TMPRSS15: variants seen among roughly 807,000 people sequenced by gnomAD.
The protein encoded by TMPRSS15 is transmembrane serine protease 15.
A neutral mutation model predicts 125.3 loss-of-function variants in TMPRSS15; 128 were observed. The observed-to-expected ratio is 1.02, with a 90% CI of 0.89 to 1.18. The LOEUF is 1.18. Ranked by LOEUF, TMPRSS15 falls within the 50% of genes most tolerant of loss-of-function variation. TMPRSS15 has a pLI of 0.00. For missense variants in TMPRSS15, 1,283 were observed against 1,212.7 expected, an observed-to-expected ratio of 1.06 and a Z score of -0.86; for synonymous variants, 446 against 423.2, an observed-to-expected ratio of 1.05 and a Z score of -0.66.
intron 1 of TMPRSS15, among the ~76,000 whole-genome samples, chr21:18,424,915 A>T (rs992307272): frequency 3.0e-4 from 45 of 148,760 alleles, no homozygotes; most frequent in Non-Finnish European, 5.6e-4. Context: ...CATATATATT[A>T]TATTATATAT....
chr21:18,425,780 T>G (rs528519349), intron 1 of TMPRSS15, among the ~76,000 whole-genome samples: 2 of 152,200 alleles, frequency 1.3e-5, no homozygotes, highest in Non-Finnish European at 2.9e-5. Context: ...CCCAAATATA[T>G]CTCTACACAT....
rs144571575 is a variant in TMPRSS15 at position 18,316,710 on chromosome 21, C to A, written c.1922-1454G>T. ...GAGTTTGGGTTGTGCAAAAAGAGGC[C>A]TAGTGGAAACATTCCTTATTTAGAA... On this transcript the variant is annotated intron_variant, in intron 16 of 24. Transcript: ENST00000284885. 8.1e-3 allele frequency among the ~76,000 whole-genome samples: 1,229 copies of A among 152,228 alleles called. 7 individuals are homozygous for A. The highest frequency in any genetic ancestry group is 0.027 in the South Asian group (129 of 4,818).
At chr21:18,315,008 A>G in intron 17 of TMPRSS15, 138 bp downstream of exon 17, 1 of 732,266 alleles carries the variant, frequency 1.4e-6, no homozygotes, top group South Asian at 1.5e-5. Context: ...TGCTAAAATC[A>G]TCTCAGAGAT....
intron 1 of TMPRSS15, among the ~76,000 whole-genome samples, chr21:18,474,598 G>C (rs754685155): frequency 6.6e-6 from 1 of 151,990 alleles, no homozygotes; most frequent in Non-Finnish European, 1.5e-5. Context: ...CCTAAATTTT[G>C]CCATGTTTAT....
At chr21:18,303,566 T>C (rs1278892043) in intron 18 of TMPRSS15, among the ~76,000 whole-genome samples, 1 of 152,220 alleles carries the variant, frequency 6.6e-6, no homozygotes, top group Non-Finnish European at 1.5e-5. Flanking sequence ...TTCATAGGGC[T>C]GAGGTTTTCT....
At chr21:18,361,309 T>C (rs3787593) in intron 7 of TMPRSS15, among the ~76,000 whole-genome samples, 65,631 of 151,862 alleles carry the variant, frequency 0.43, 14,629 homozygotes, top group East Asian at 0.77. Context: ...TCTGAACTCC[T>C]TGGAAGGGAG....
Position 18,411,686 on chromosome 21 carries a change from T to C in TMPRSS15, c.11-13357A>G, listed in dbSNP as rs543375998. ...CTTTCCCTTTGCTAATGCAAATTCT[T>C]GCTTCCTCGCCCTTCATCCTTTGTT... On this transcript the variant is annotated intron_variant, in intron 1 of 7. Transcript: ENST00000422787. Among the ~76,000 whole-genome samples the C allele has an allele frequency of 1.7e-4, 26 of 152,318 alleles. No individual in the cohort carries two copies. The East Asian group carries it at 2.3e-3, about 14-fold the overall frequency.
chr21:18,341,550 T>C lies in TMPRSS15; in HGVS notation c.1429-2A>G. The C allele has an allele frequency of 6.2e-7, 1 of 1,614,018 alleles. No individual in the cohort carries two copies. On this transcript the variant is annotated splice_acceptor_variant, in intron 12 of 24. Coordinates refer to ENST00000284885, the MANE Select transcript of TMPRSS15 (RefSeq NM_002772.3). LOFTEE classifies it high-confidence loss of function. ...GTTTTTAAAAGCATTAAAAGCAACC[T>C]GCAATTCAGAGAGGCATATGAAACG...
chr21:18,401,828 C>G (rs1222977672), intron 1 of TMPRSS15, among the ~76,000 whole-genome samples: 1 of 152,184 alleles, frequency 6.6e-6, no homozygotes, highest in Non-Finnish European at 1.5e-5. Context: ...TAGCTGTTCA[C>G]TGTTAAACAG....
At chr21:18,364,874 A>G (rs1223649416) in intron 7 of TMPRSS15, among the ~76,000 whole-genome samples, 1 of 152,230 alleles carries the variant, frequency 6.6e-6, no homozygotes, top group Non-Finnish European at 1.5e-5. Flanking sequence ...CCGCACATGA[A>G]TAATGTCCAC....
Position 18,384,672 on chromosome 21 carries a change from A to G in TMPRSS15, c.345-894T>C, listed in dbSNP as rs565449494. Among the ~76,000 whole-genome samples the G allele has an allele frequency of 1.6e-4, 24 of 152,198 alleles. 2 individuals are homozygous for G. Among genetic ancestry groups the G allele is most frequent in the Middle Eastern group, 3.4e-3 (1 of 294 alleles). On this transcript the variant is annotated intron_variant, in intron 3 of 24. Coordinates refer to ENST00000284885, the MANE Select transcript of TMPRSS15 (RefSeq NM_002772.3). ...TTGGGAGACAAACTATAGCTCTGAT[A>G]TTTATTCTATACCCCTCAATAAACT...
intron 7 of TMPRSS15, among the ~76,000 whole-genome samples, chr21:18,361,519 A>G (rs1034395216): frequency 2.0e-5 from 3 of 152,154 alleles, no homozygotes; most frequent in Non-Finnish European, 2.9e-5. Flanking sequence ...ATACTGAGTG[A>G]ACAAGGCCTA....
chr21:18,290,175 A>T (rs1359900211), intron 21 of TMPRSS15, among the ~76,000 whole-genome samples: 1 of 152,212 alleles, frequency 6.6e-6, no homozygotes. Flanking sequence ...AGACAAGGTT[A>T]GGATTTATCC....
At position 18,332,103 on chromosome 21, in the gene TMPRSS15, G is replaced by A. The variant is rs558352557; in HGVS notation, c.1635C>T (p.Ser545=). The A allele has an allele frequency of 1.2e-5, 19 of 1,614,030 alleles. No individual in the cohort carries two copies. The South Asian group carries it at 2.0e-4, about 17-fold the overall frequency. The change falls in exon 14 of 25, where the codon AGC becomes AGT. Residue 545 remains serine (S), a synonymous_variant. Transcript: ENST00000284885. ...TTFSSTNFPN[S]YPNLAFCVWI... ...ACTCACAGAAAGCCAGATTAGGGTAGCTGTTTGGAAAGTTCGTAGAACTGA... is the reference window on the plus strand; with the variant it reads ...ACTCACAGAAAGCCAGATTAGGGTAACTGTTTGGAAAGTTCGTAGAACTGA...
chr21:18,349,607 C>T (rs2075543524), intron 10 of TMPRSS15, among the ~76,000 whole-genome samples: 1 of 152,086 alleles, frequency 6.6e-6, no homozygotes, highest in Admixed American at 6.6e-5. Context: ...CATAAAAAAG[C>T]AGGCTAGAAG....
chr21:18,441,779 C>T (rs1464478910), intron 1 of TMPRSS15, among the ~76,000 whole-genome samples: 1 of 151,290 alleles, frequency 6.6e-6, no homozygotes, highest in East Asian at 1.9e-4. Context: ...CAACCTCTGG[C>T]TCCCAGGTTC....
intron 16 of TMPRSS15, among the ~76,000 whole-genome samples, chr21:18,321,719 T>C (rs2075240034): frequency 1.3e-5 from 2 of 152,216 alleles, no homozygotes; most frequent in Non-Finnish European, 1.5e-5. Context: ...TGCCAGGATG[T>C]GTGTCCAATC....
At chr21:18,330,031 A>G (rs1431673650) in intron 14 of TMPRSS15, among the ~76,000 whole-genome samples, 1 of 152,180 alleles carries the variant, frequency 6.6e-6, no homozygotes, top group Non-Finnish European at 1.5e-5. Context: ...GTTCTAAAGA[A>G]AAAGCAGAAT....
intron 3 of TMPRSS15, among the ~76,000 whole-genome samples, chr21:18,396,811 T>TGTCTGTCTATCTATCTATCTATC (rs1555909747): frequency 7.0e-6 from 1 of 142,384 alleles, no homozygotes; most frequent in Non-Finnish European, 1.5e-5. Flanking sequence ...TCTGTCTGTC[T>TGTCTGTCTATCTATCTATCTATC]ATCTATCTAT....
Sources: gnomAD v4.1 joint callset for allele counts (sites outside exome capture counted in the v4.1 genomes callset) on GRCh38, gnomAD v4.1.1 for gene constraint, MANE v1.5 for transcripts, NCBI Gene and HGNC (gene_info 2026-07-23, HGNC 2026-07-21) for gene names.